Variants in CACNB3 observed in about 807,000 individuals in gnomAD.
CACNB3 encodes the protein voltage-dependent L-type calcium channel subunit beta-3.
Under a neutral mutation model 63.7 loss-of-function variants are expected in CACNB3, and 36 were observed. The observed-to-expected ratio is 0.57, with a 90% CI of 0.43 to 0.75. CACNB3 has a LOEUF of 0.75. Among genes scored for constraint, CACNB3 ranks in the 30% least tolerant of loss-of-function variants. The probability of loss-of-function intolerance (pLI) is 0.00; values close to 1 mark genes in which losing one functional copy is unlikely to be tolerated. For synonymous variants in CACNB3, 241 were observed against 250.6 expected (o/e 0.96, Z 0.36); for missense variants, 493 against 648.6 (o/e 0.76, Z 2.61).
chr12:48,819,110 G>C, intron 1 of CACNB3, 136 bp downstream of exon 1: 1 of 902,318 alleles, frequency 1.1e-6, no homozygotes, highest in East Asian at 2.9e-5. Context: ...CTCTAAGAAC[G>C]TGGGGAGATG....
upstream of CACNB3, chr12:48,815,725 C>A: frequency 1.5e-6 from 2 of 1,336,070 alleles, no homozygotes; most frequent in Non-Finnish European, 2.0e-6. Flanking sequence ...TCCTGCTGAA[C>A]GAGGTAACCG....
chr12:48,815,446 A>G, upstream of CACNB3: 1 of 900,650 alleles, frequency 1.1e-6, no homozygotes, highest in Non-Finnish European at 1.6e-6. Context: ...CTGGGCTGAA[A>G]GGCAGGGAGA....
chr12:48,818,699 G>A lies in CACNB3; in HGVS notation c.-231G>A. ...GGCGCCAGATTCCTCAGCCGCGCTC[G>A]GGGTGGGACCGGCTGGGTTTGGGGG... On this transcript the variant is annotated 5_prime_UTR_variant, in exon 1 of 13. Transcript: ENST00000301050. This position sits in a 1 kb window ranked among gnomAD's most constrained non-coding sequence, Gnocchi z 4.3. 1 of 1,251,816 alleles carries A rather than the reference G, an allele frequency of 8.0e-7. No individual in the cohort carries two copies. The highest frequency in any genetic ancestry group is 1.0e-6 in the Non-Finnish European group (1 of 998,790). 77.5% of individuals were successfully genotyped at this position (1,251,816 alleles called of 1,614,324 possible).
At chr12:48,815,738 G>C, upstream of CACNB3, 1 of 1,402,086 alleles carries the variant, frequency 7.1e-7, no homozygotes, top group East Asian at 2.6e-5. Flanking sequence ...GGTAACCGTG[G>C]GGGGGGTGTG....
chr12:48,817,117 C>A, upstream of CACNB3: 1 of 571,378 alleles, frequency 1.8e-6, no homozygotes, highest in Non-Finnish European at 2.2e-6. Flanking sequence ...ACAGGGGCTG[C>A]AACAAAGTTG....
chr12:48,818,909 T>TC lies in CACNB3; in HGVS notation c.-16dup, dbSNP rs59016584. ...CGCTCCCGCCCCCGGCGCCGCTCGC[T>TC]CCCCCGACCCGGACTCCCCCATGTA... On this transcript the variant is annotated 5_prime_UTR_variant, in exon 1 of 13. Coordinates refer to ENST00000301050, the MANE Select transcript of CACNB3 (RefSeq NM_000725.4). This position sits in a 1 kb window ranked among gnomAD's most constrained non-coding sequence, Gnocchi z 4.3. 6.4e-7 allele frequency: 1 copy of TC among 1,558,910 alleles called. No homozygotes were observed. The highest frequency in any genetic ancestry group is 8.7e-7 in the Non-Finnish European group (1 of 1,153,294).
In CACNB3 at chr12:48,826,768, C is replaced by A; in HGVS notation, c.904C>A (p.Arg302Ser). ...VKVSSPKVLQ[R>S]LIRSRGKSQM... is the part of the protein sequence containing the mutation. The stretch of plus-strand genomic sequence containing the variant: ...TGCCCTCCCCGCTCAGGTACTCCAG[C>A]GTCTCATTCGCTCCCGGGGGAAGTC... Residue 302 changes from arginine to serine, a missense_variant, in exon 11 of 13, where the codon CGT becomes AGT. Arg to Ser is a moderately radical substitution (Grantham distance 110). Coordinates refer to ENST00000301050, the MANE Select transcript of CACNB3 (RefSeq NM_000725.4). The surrounding 1 kb of genome is among the most constrained non-coding windows in gnomAD (Gnocchi z 4.8). 6.2e-7 allele frequency: 1 copy of A among 1,613,594 alleles called. No homozygotes were observed. Among genetic ancestry groups the A allele is most frequent in the Non-Finnish European group, 8.5e-7 (1 of 1,179,514 alleles).
upstream of CACNB3, chr12:48,815,691 C>A: frequency 6.7e-7 from 1 of 1,487,918 alleles, no homozygotes. Context: ...TGGTCTATGT[C>A]TTTTTCTGAC....
At chr12:48,815,411 C>A, upstream of CACNB3, 1 of 621,792 alleles carries the variant, frequency 1.6e-6, no homozygotes, top group Non-Finnish European at 2.7e-6. Flanking sequence ...GGACCTTAGA[C>A]AGGAGAGACG....
At position 48,826,409 on chromosome 12, in the gene CACNB3, A is replaced by C. The variant is rs143426055; in HGVS notation, c.785A>C (p.Lys262Thr). The C allele has an allele frequency of 2.2e-4, 363 of 1,614,152 alleles. No individual in the cohort carries two copies. Among genetic ancestry groups the C allele is most frequent in the Non-Finnish European group, 2.9e-4 (346 of 1,180,022 alleles). Residue 262 changes from lysine to threonine, a missense_variant, in exon 10 of 13, where the codon AAA (lysine) becomes ACA (threonine). Transcript: ENST00000301050. This position sits in a 1 kb window ranked among gnomAD's most constrained non-coding sequence, Gnocchi z 4.8. ...ATCGAGCGCATATTTGAGCTGGCCA[A>C]ATCCCTGCAGCTAGTAGTGTTGGAC... Reference protein sequence around the residue: ...SEIERIFELAKSLQLVVLDAD... With the variant: ...SEIERIFELATSLQLVVLDAD...
chr12:48,828,667 AG>A lies in CACNB3; in HGVS notation c.*774del, dbSNP rs925421485. On this transcript the variant is annotated 3_prime_UTR_variant, in exon 13 of 13. Coordinates refer to ENST00000301050, the MANE Select transcript of CACNB3 (RefSeq NM_000725.4). ...GGAGGGCATGTGTAGCAGAGAACTT[AG>A]GGGGGCCTCCTTGCCTTTCTCATTC... 2.2e-6 allele frequency: 1 copy of A among 456,264 alleles called. No individual in the cohort carries two copies. The highest frequency in any genetic ancestry group is 1.5e-5 in the South Asian group (1 of 64,566). The allele number at this position is 456,264 out of a possible 1,614,324, so 28.3% of individuals were successfully genotyped here.
At position 48,826,892 on chromosome 12, in the gene CACNB3, C is replaced by T. The variant is rs1451909431; in HGVS notation, c.990+38C>T. 6.2e-7 allele frequency: 1 copy of T among 1,610,734 alleles called. No homozygotes were observed. Among genetic ancestry groups the T allele is most frequent in the Non-Finnish European group, 8.5e-7 (1 of 1,177,106 alleles). Reference sequence around the variant, plus strand: ...GTCAGCTGCTCCTGTGCCCACTCCCCCAGGGCTGCGGCAGTGATAGAGATG... The same window carrying T: ...GTCAGCTGCTCCTGTGCCCACTCCCTCAGGGCTGCGGCAGTGATAGAGATG... On this transcript the variant is annotated intron_variant, in intron 11 of 12. Transcript: ENST00000301050. This position sits in a 1 kb window ranked among gnomAD's most constrained non-coding sequence, Gnocchi z 4.8.
intron 4 of CACNB3, 59 bp downstream of exon 4, chr12:48,824,432 G>A (rs1938018734): frequency 1.5e-5 from 22 of 1,429,878 alleles, no homozygotes; most frequent in Non-Finnish European, 1.9e-5. Context: ...GTACCCACAG[G>A]ACACGTCACC....
Position 48,825,532 on chromosome 12 carries a change from G to A in CACNB3, c.632+40G>A, listed in dbSNP as rs757250904. On this transcript the variant is annotated intron_variant, in intron 8 of 12. Transcript: ENST00000301050. This position sits in a 1 kb window ranked among gnomAD's most constrained non-coding sequence, Gnocchi z 4.5. ...CCTGAGGTGGCCTGAGAACCAAGGAGAAGCTCATGGCCTACTTCCAGATGC... is the reference window on the plus strand; with the variant it reads ...CCTGAGGTGGCCTGAGAACCAAGGAAAAGCTCATGGCCTACTTCCAGATGC... The A allele has an allele frequency of 1.6e-4, 257 of 1,609,034 alleles. No individual in the cohort carries two copies. Among genetic ancestry groups the A allele is most frequent in the Non-Finnish European group, 1.2e-4 (146 of 1,175,472 alleles).
chr12:48,824,607 A>G (rs1682639258), intron 4 of CACNB3, 62 bp from the exon 5 acceptor site: 1 of 1,445,186 alleles, frequency 6.9e-7, no homozygotes, highest in South Asian at 1.2e-5. Context: ...AATAATGCAT[A>G]GAACATACAT....
At chr12:48,818,099 C>T (rs1056077456), upstream of CACNB3, 5 of 152,560 alleles carry the variant, frequency 3.3e-5, no homozygotes, top group Admixed American at 3.3e-4. The surrounding 1 kb of genome is among the most constrained non-coding windows in gnomAD (Gnocchi z 4.3). Flanking sequence ...TGTCATTAGC[C>T]TGGGGGCACC....
chr12:48,819,486 G>A, intron 1 of CACNB3: 1 of 293,312 alleles, frequency 3.4e-6, no homozygotes, highest in Non-Finnish European at 6.9e-6. Flanking sequence ...CCTAAAACTT[G>A]AGGAGCTCCA....
At position 48,818,983 on chromosome 12, in the gene CACNB3, C is replaced by G; in HGVS notation, c.45+9C>G. On this transcript the variant is annotated intron_variant, in intron 1 of 12. Transcript: ENST00000301050. This position sits in a 1 kb window ranked among gnomAD's most constrained non-coding sequence, Gnocchi z 4.3. ...TTGAGGACTCGGAGGCGGTGAGTGC[C>G]CACGATGAGGGTGGGGGCGGGGAAG... 6.2e-7 allele frequency: 1 copy of G among 1,605,286 alleles called. No individual in the cohort carries two copies. Among genetic ancestry groups the G allele is most frequent in the Non-Finnish European group, 8.5e-7 (1 of 1,176,190 alleles).
rs1182464088 is a variant in CACNB3 at position 48,826,640 on chromosome 12, C to CT, written c.895-118dup. 1.4e-6 allele frequency: 2 copies of CT among 1,426,686 alleles called. No homozygotes were observed. The highest frequency in any genetic ancestry group is 2.0e-6 in the Non-Finnish European group (2 of 1,015,344). The allele number at this position is 1,426,686 out of a possible 1,614,324, so 88.4% of individuals were successfully genotyped here. On this transcript the variant is annotated intron_variant, in intron 10 of 12. Coordinates refer to ENST00000301050, the MANE Select transcript of CACNB3 (RefSeq NM_000725.4). The surrounding 1 kb of genome is among the most constrained non-coding windows in gnomAD (Gnocchi z 4.8). ...TTTTCCTGCTGCCCTTAACACAACT[C>CT]TGAGTCATCCTCACCTGCTACTGAT... is the stretch of plus-strand genomic sequence containing the variant.
Sources: gnomAD v4.1 joint callset for allele counts on GRCh38, gnomAD v4.1.1 for gene constraint, Gnocchi (gnomAD v3.1) non-coding constraint, MANE v1.5 for transcripts, NCBI Gene and HGNC (gene_info 2026-07-23, HGNC 2026-07-21) for gene names.